The following ESR1 variants were observed in gnomAD, a reference collection of about 807,000 sequenced individuals.
ESR1 encodes the protein estrogen receptor 1, also known as estrogen receptor.
In ESR1, 12 loss-of-function variants were observed where a neutral mutation model predicts 52.7. The observed-to-expected ratio is 0.23, with a 90% CI of 0.15 to 0.37. The LOEUF is 0.37. ESR1 is among the 10% of genes least tolerant of loss of function. The pLI is 1.00. For synonymous variants in ESR1, 305 were observed against 316.8 expected, an observed-to-expected ratio of 0.96 and a Z score of 0.39; for missense variants, 584 against 779.7, an observed-to-expected ratio of 0.75 and a Z score of 2.99.
At chr6:151,899,164 C>T (rs1220118258) in intron 3 of ESR1, among the ~76,000 whole-genome samples, 6 of 146,374 alleles carry the variant, frequency 4.1e-5, no homozygotes, top group East Asian at 2.2e-4. Context: ...GGCGGCTGGC[C>T]GGGCAGAGGG....
intron 2 of ESR1, among the ~76,000 whole-genome samples, chr6:151,788,193 AT>A (rs1787199240): frequency 6.6e-6 from 1 of 152,198 alleles, no homozygotes; most frequent in African/African-American, 2.4e-5. Context: ...ATGGGAGAAA[AT>A]TTTTGCAAAC....
At chr6:151,813,539 A>G (rs988148046) in intron 1 of ESR1, 1 of 152,294 alleles carries the variant, frequency 6.6e-6, no homozygotes, top group Non-Finnish European at 1.5e-5. Flanking sequence ...TTCTAATTCC[A>G]TAGTCTGAAA....
At chr6:151,815,496 C>T (rs746269780) in intron 1 of ESR1, among the ~76,000 whole-genome samples, 1 of 152,134 alleles carries the variant, frequency 6.6e-6, no homozygotes, top group Non-Finnish European at 1.5e-5. Context: ...GGGCAGGAAG[C>T]ATCAGGGACA....
intron 2 of ESR1, among the ~76,000 whole-genome samples, chr6:151,852,145 G>C (rs1432948839): frequency 3.9e-5 from 6 of 152,176 alleles, no homozygotes; most frequent in South Asian, 2.1e-4. Context: ...CCAGTCATCA[G>C]GGGGTAGGAT....
chr6:151,796,059 G>A (rs1250153752), intron 2 of ESR1, among the ~76,000 whole-genome samples: 3 of 151,512 alleles, frequency 2.0e-5, no homozygotes, highest in Non-Finnish European at 4.4e-5. Flanking sequence ...CCAGCTACTC[G>A]GGAGGCTGAG....
intron 2 of ESR1, among the ~76,000 whole-genome samples, chr6:151,861,411 T>C (rs1434016968): frequency 1.3e-5 from 2 of 152,208 alleles, no homozygotes; most frequent in African/African-American, 4.8e-5. Context: ...TTGAAATATA[T>C]TCTGTTAAAT....
At chr6:151,781,510 G>A (rs1042868820) in intron 2 of ESR1, among the ~76,000 whole-genome samples, 2 of 152,310 alleles carry the variant, frequency 1.3e-5, no homozygotes, top group Non-Finnish European at 1.5e-5. Context: ...TCAAACCATA[G>A]CACTGAAGTT....
chr6:152,079,113 C>G (rs9479202), intron 6 of ESR1, among the ~76,000 whole-genome samples: 32,102 of 152,136 alleles, frequency 0.21, 4,785 homozygotes, highest in African/African-American at 0.41. Flanking sequence ...CTGTCTGACA[C>G]CTCTGAAGAG....
intron 4 of ESR1, among the ~76,000 whole-genome samples, chr6:151,990,033 T>A (rs2040863176): frequency 6.6e-6 from 1 of 152,112 alleles, no homozygotes; most frequent in Non-Finnish European, 1.5e-5. Context: ...ATTTCATGAG[T>A]CCTCAGTAGA....
intron 1 of ESR1, chr6:151,813,286 A>G (rs925171215): frequency 6.6e-6 from 1 of 152,206 alleles, no homozygotes; most frequent in East Asian, 1.9e-4. Flanking sequence ...ATGTAGTTTA[A>G]TAAAGTAATA....
At chr6:152,046,840 A>G (rs2046269481) in intron 5 of ESR1, among the ~76,000 whole-genome samples, 1 of 152,128 alleles carries the variant, frequency 6.6e-6, no homozygotes, top group South Asian at 2.1e-4. Context: ...AAGGCTGGCA[A>G]TTCTAAGAGG....
intron 2 of ESR1, among the ~76,000 whole-genome samples, chr6:151,732,534 T>TGTGTGTG (rs1782328686): frequency 2.7e-5 from 4 of 148,868 alleles, no homozygotes; most frequent in Middle Eastern, 3.5e-3. Context: ...GTGTGTGTGT[T>TGTGTGTG]TGTGTGTGTG....
At chr6:152,084,382 T>G (rs1200965172) in intron 6 of ESR1, among the ~76,000 whole-genome samples, 1 of 150,504 alleles carries the variant, frequency 6.6e-6, no homozygotes, top group Non-Finnish European at 1.5e-5. Flanking sequence ...GTAACAAACC[T>G]GCACGTTGTG....
chr6:151,815,957 G>A (rs937521957), intron 1 of ESR1, among the ~76,000 whole-genome samples: 1 of 152,140 alleles, frequency 6.6e-6, no homozygotes, highest in African/African-American at 2.4e-5. Flanking sequence ...GCATGGTCCT[G>A]AAGTACTGTC....
chr6:151,918,224 C>G (rs80288065), intron 3 of ESR1, among the ~76,000 whole-genome samples: 1 of 152,196 alleles, frequency 6.6e-6, no homozygotes, highest in African/African-American at 2.4e-5. Context: ...AGGTAGGAAC[C>G]TAACTCTGGA....
intron 6 of ESR1, among the ~76,000 whole-genome samples, chr6:152,089,322 A>G (rs1056170853): frequency 3.3e-5 from 5 of 152,192 alleles, no homozygotes; most frequent in African/African-American, 1.2e-4. Flanking sequence ...AATTTTATTT[A>G]GTAGAGTCTT....
At chr6:151,720,229 G>A (rs529663934) in intron 2 of ESR1, among the ~76,000 whole-genome samples, 30 of 152,232 alleles carry the variant, frequency 2.0e-4, no homozygotes, top group Admixed American at 5.9e-4. Context: ...TATTCAAACT[G>A]TGCAATCTGC....
chr6:151,975,450 G>GTCAA (rs1359092333), intron 4 of ESR1, among the ~76,000 whole-genome samples: 2 of 151,916 alleles, frequency 1.3e-5, no homozygotes, highest in Non-Finnish European at 2.9e-5. Flanking sequence ...CAATTGATTG[G>GTCAA]TCAATCAATC....
chr6:151,797,085 C>G (rs2128138089), intron 2 of ESR1, among the ~76,000 whole-genome samples: 1 of 152,306 alleles, frequency 6.6e-6, no homozygotes, highest in East Asian at 1.9e-4. Context: ...TTCCTTTCAG[C>G]AAAGTGAAGA....
Sources: gnomAD v4.1 joint callset for allele counts (sites outside exome capture counted in the v4.1 genomes callset) on GRCh38, gnomAD v4.1.1 for gene constraint, MANE v1.5 for transcripts, NCBI Gene and HGNC (gene_info 2026-07-23, HGNC 2026-07-21) for gene names.